The following TMPRSS15 variants were observed in gnomAD, a reference collection of about 807,000 sequenced individuals.
The protein encoded by TMPRSS15 is enteropeptidase.
A neutral mutation model predicts 125.3 loss-of-function variants in TMPRSS15; 128 were observed. That is an observed-to-expected ratio of 1.02 (90% CI 0.89 to 1.18). The LOEUF (loss-of-function observed/expected upper bound fraction) is 1.18. Ranked by LOEUF, TMPRSS15 falls within the 50% of genes most tolerant of loss-of-function variation. The pLI, the probability that TMPRSS15 is intolerant of heterozygous loss-of-function variation, is 0.00. For synonymous variants in TMPRSS15, 446 were observed against 423.2 expected, an observed-to-expected ratio of 1.05 and a Z score of -0.66; for missense variants, 1,283 against 1,212.7, an observed-to-expected ratio of 1.06 and a Z score of -0.86.
At position 18,428,985 on chromosome 21, in the gene TMPRSS15, C is replaced by T. The variant is rs190813932; in HGVS notation, c.11-30656G>A. 2.7e-3 allele frequency among the ~76,000 whole-genome samples: 411 copies of T among 152,288 alleles called. 1 individual carries two copies. Among genetic ancestry groups the T allele is most frequent in the African/African-American group, 9.4e-3 (389 of 41,556 alleles). On this transcript the variant is annotated intron_variant, in intron 1 of 7. Transcript: ENST00000422787. ...CTCATGAAAGCAGCTGGGAGGGAGGCTCTACCCTGCAAAGCCACAGGACAG... is the reference window on the plus strand; with the variant it reads ...CTCATGAAAGCAGCTGGGAGGGAGGTTCTACCCTGCAAAGCCACAGGACAG...
chr21:18,343,527 T>G lies in TMPRSS15; in HGVS notation c.1407A>C (p.Leu469=). 1 of 1,611,786 alleles carries G rather than the reference T, an allele frequency of 6.2e-7. No homozygotes were observed. The highest frequency in any genetic ancestry group is 2.2e-5 in the East Asian group (1 of 44,764). ...AAACCTTAAATTTAACTGTTTCATT[T>G]AGGGTTACTTGTCCATAATTCCAAT... ...GDNWNYGQVT[L]NETVKFKVAF... is the part of the protein sequence containing the mutation. Residue 469 remains leucine, a synonymous_variant, in exon 12 of 25, where the codon CTA becomes CTC. Coordinates refer to ENST00000284885, the MANE Select transcript of TMPRSS15 (RefSeq NM_002772.3).
upstream of TMPRSS15, among the ~76,000 whole-genome samples, chr21:18,406,813 A>C (rs542539762): frequency 2.6e-5 from 4 of 152,310 alleles, 1 homozygote; most frequent in South Asian, 8.3e-4. Context: ...ACAAGTAGAC[A>C]ATGAGATAAC....
chr21:18,461,545 A>T (rs1458519100), intron 1 of TMPRSS15, among the ~76,000 whole-genome samples: 1 of 152,070 alleles, frequency 6.6e-6, no homozygotes, highest in Non-Finnish European at 1.5e-5. Context: ...TAAACTCCCC[A>T]CGCATATCCT....
intron 1 of TMPRSS15, among the ~76,000 whole-genome samples, chr21:18,445,799 A>T (rs1227903777): frequency 2.6e-5 from 4 of 152,226 alleles, no homozygotes; most frequent in Non-Finnish European, 4.4e-5. Flanking sequence ...GAGGTAGAAG[A>T]CTATGCCTCA....
At chr21:18,331,681 T>G (rs992424673) in intron 14 of TMPRSS15, among the ~76,000 whole-genome samples, 5 of 152,224 alleles carry the variant, frequency 3.3e-5, no homozygotes, top group African/African-American at 1.2e-4. Context: ...CCATTGTCTT[T>G]GTCCTATGAA....
rs535117946 is a variant in TMPRSS15 at position 18,444,458 on chromosome 21, G to A, written c.10+41341C>T. On this transcript the variant is annotated intron_variant, in intron 1 of 7. Transcript: ENST00000422787. ...TTAGAACACATGGACACAGGGAGGGGAACATCCCACACTGGGGCCTGTTGG... is the reference window on the plus strand; with the variant it reads ...TTAGAACACATGGACACAGGGAGGGAAACATCCCACACTGGGGCCTGTTGG... Among the ~76,000 whole-genome samples the A allele has an allele frequency of 2.4e-4, 36 of 152,036 alleles. No homozygotes were observed. In the East Asian group the frequency reaches 7.0e-3, roughly 30 times the overall value.
intron 16 of TMPRSS15, among the ~76,000 whole-genome samples, chr21:18,319,157 G>T (rs566616949): frequency 6.6e-6 from 1 of 152,134 alleles, no homozygotes; most frequent in East Asian, 1.9e-4. Flanking sequence ...TAAGACACAG[G>T]ACTTAAAGTA....
At chr21:18,348,098 T>A (rs540759145) in intron 10 of TMPRSS15, among the ~76,000 whole-genome samples, 3 of 152,070 alleles carry the variant, frequency 2.0e-5, no homozygotes, top group Non-Finnish European at 2.9e-5. Context: ...GGTGGGAGTA[T>A]CTCTTGAGCC....
chr21:18,481,161 C>T (rs143437887), intron 1 of TMPRSS15, among the ~76,000 whole-genome samples: 92 of 151,854 alleles, frequency 6.1e-4, no homozygotes, highest in Non-Finnish European at 9.3e-4. Flanking sequence ...TCTGGAACTT[C>T]GTTTCCCAAT....
chr21:18,449,369 G>A (rs1320195553), intron 1 of TMPRSS15, among the ~76,000 whole-genome samples: 1 of 152,072 alleles, frequency 6.6e-6, no homozygotes, highest in Non-Finnish European at 1.5e-5. Flanking sequence ...ACATGTCAAG[G>A]TGGTACATGT....
chr21:18,440,244 G>A (rs1373978049), intron 1 of TMPRSS15, among the ~76,000 whole-genome samples: 9 of 150,678 alleles, frequency 6.0e-5, no homozygotes, highest in South Asian at 4.2e-4. Context: ...ATGGTGGCGC[G>A]CGCCTGTAGT....
intron 5 of TMPRSS15, among the ~76,000 whole-genome samples, chr21:18,377,878 C>A (rs1005038437): frequency 6.6e-6 from 1 of 152,102 alleles, no homozygotes; most frequent in Non-Finnish European, 1.5e-5. Flanking sequence ...GAAAATTGGG[C>A]AGATGTTTCA....
chr21:18,301,486 A>G (rs927019057), intron 18 of TMPRSS15, among the ~76,000 whole-genome samples: 5 of 152,198 alleles, frequency 3.3e-5, no homozygotes, highest in Non-Finnish European at 5.9e-5. Context: ...CTACTAAAAA[A>G]TTGAATTCAG....
rs766389032 is a variant in TMPRSS15, at chr21:18,372,275, A to G, written c.582T>C (p.Ala194=). 2.5e-6 allele frequency: 4 copies of G among 1,613,454 alleles called. No individual in the cohort carries two copies. Among genetic ancestry groups the G allele is most frequent in the South Asian group, 1.1e-5 (1 of 91,072 alleles). Residue 194 remains alanine, a synonymous_variant, in exon 6 of 25, where the codon GCT becomes GCC. Coordinates refer to ENST00000284885, the MANE Select transcript of TMPRSS15 (RefSeq NM_002772.3). ...CLPGSSPCTD[A]LTCIKADLFC... is the part of the protein sequence containing the mutation. Reference sequence around the variant, plus strand: ...ATAAATCAGCTTTTATACACGTTAGAGCATCAGTACAAGGACTTGAACCAG... The same window carrying G: ...ATAAATCAGCTTTTATACACGTTAGGGCATCAGTACAAGGACTTGAACCAG...
rs148101418 is a variant in TMPRSS15 at position 18,292,338 on chromosome 21, T to C, written c.2486+1932A>G. On this transcript the variant is annotated intron_variant, in intron 21 of 24. Coordinates refer to ENST00000284885, the MANE Select transcript of TMPRSS15 (RefSeq NM_002772.3). ...ACTCAGGAGCTTTCAATAAACGATC[T>C]TTTTGCACTGCACTCTGCGACTGGC... 5.3e-5 allele frequency among the ~76,000 whole-genome samples: 8 copies of C among 152,298 alleles called. No homozygotes were observed. The East Asian group carries it at 1.4e-3, about 26-fold the overall frequency.
chr21:18,343,838 A>G, intron 11 of TMPRSS15, 117 bp downstream of exon 11: 1 of 1,181,378 alleles, frequency 8.5e-7, no homozygotes, highest in Non-Finnish European at 1.3e-6. Context: ...GGGAAAAGTA[A>G]TAGTATATGC....
chr21:18,322,428 A>G (rs913387008), intron 16 of TMPRSS15, among the ~76,000 whole-genome samples: 1 of 152,222 alleles, frequency 6.6e-6, no homozygotes, highest in African/African-American at 2.4e-5. Flanking sequence ...CTGCTCATCT[A>G]TGTTTACTGC....
intron 1 of TMPRSS15, among the ~76,000 whole-genome samples, chr21:18,457,020 T>C (rs1229717565): frequency 6.6e-6 from 1 of 152,094 alleles, no homozygotes; most frequent in Non-Finnish European, 1.5e-5. Flanking sequence ...ACTCTGTTAT[T>C]AGACAGAGAG....
intron 14 of TMPRSS15, among the ~76,000 whole-genome samples, chr21:18,330,848 A>G (rs2075337239): frequency 1.3e-5 from 2 of 152,104 alleles, no homozygotes; most frequent in East Asian, 3.9e-4. Flanking sequence ...CGAGAAGGGC[A>G]GATCATGAAG....
Sources: allele counts gnomAD v4.1 joint callset (sites outside exome capture counted in the v4.1 genomes callset), GRCh38; gene constraint gnomAD v4.1.1; transcripts MANE v1.5; gene names NCBI Gene and HGNC (gene_info 2026-07-23, HGNC 2026-07-21).